The following UNC5C variants were observed in gnomAD, a reference collection of about 807,000 sequenced individuals.
UNC5C encodes unc-5 netrin receptor C, also known as netrin receptor UNC5C.
A neutral mutation model predicts 99.8 loss-of-function variants in UNC5C; 47 were observed. That is an observed-to-expected ratio of 0.47 (90% confidence interval 0.37 to 0.60). The LOEUF (loss-of-function observed/expected upper bound fraction) is 0.60. Among genes scored for constraint, UNC5C ranks in the 20% least tolerant of loss-of-function variants. The pLI is 0.00. For synonymous variants in UNC5C, 487 were observed against 452.2 expected (o/e 1.08, Z -0.98); for missense variants, 1,062 against 1,165.9 (o/e 0.91, Z 1.30).
chr4:95,466,092 G>A (rs1347602751), intron 1 of UNC5C, among the ~76,000 whole-genome samples: 1 of 152,346 alleles, frequency 6.6e-6, no homozygotes, highest in East Asian at 1.9e-4. Context: ...AGAGAAAAAG[G>A]AGAGGGATTT....
intron 1 of UNC5C, among the ~76,000 whole-genome samples, chr4:95,501,873 A>G (rs1048048826): frequency 1.3e-5 from 2 of 152,162 alleles, no homozygotes; most frequent in African/African-American, 4.8e-5. Context: ...AAATATATAC[A>G]TATATTTACC....
In UNC5C at chr4:95,344,551, A is replaced by C. The variant is rs554401619; in HGVS notation, c.125-8920T>G. Among the ~76,000 whole-genome samples the C allele has an allele frequency of 5.3e-5, 8 of 152,244 alleles. No individual in the cohort carries two copies. The East Asian group carries it at 1.5e-3, about 29-fold the overall frequency. On this transcript the variant is annotated intron_variant, in intron 1 of 15. Transcript: ENST00000453304. The stretch of plus-strand genomic sequence containing the variant: ...GTATACGAAAAACACACAATATTAT[A>C]ACGTTATAATTCTGGTATGTAATCT...
rs1248786205 is a variant in UNC5C, at chr4:95,290,637, G to C, written c.490+10969C>G. 4.6e-5 allele frequency among the ~76,000 whole-genome samples: 7 copies of C among 152,274 alleles called. No individual in the cohort carries two copies. The South Asian group carries it at 1.2e-3, about 27-fold the overall frequency. ...TCATAGGATGTCGTATGAAGATTATGATAGTTAACATGAACAAGGGTCTTA... is the reference window on the plus strand; with the variant it reads ...TCATAGGATGTCGTATGAAGATTATCATAGTTAACATGAACAAGGGTCTTA... On this transcript the variant is annotated intron_variant, in intron 3 of 15. Transcript: ENST00000453304.
chr4:95,431,121 A>C (rs1305678117), intron 1 of UNC5C, among the ~76,000 whole-genome samples: 2 of 152,018 alleles, frequency 1.3e-5, no homozygotes, highest in Admixed American at 1.3e-4. Flanking sequence ...ATGCACTTCC[A>C]ACTGCCTTTA....
rs113173767 is a variant in UNC5C at position 95,499,536 on chromosome 4, T to C, written c.124+49198A>G. Among the ~76,000 whole-genome samples the C allele has an allele frequency of 8.0e-3, 1,215 of 152,226 alleles. 9 individuals carry two copies. The highest frequency in any genetic ancestry group is 0.028 in the African/African-American group (1,156 of 41,552). The stretch of plus-strand genomic sequence containing the variant: ...AAATCTCACTCCCATGCACTTTTCA[T>C]GCAATCAATCATGAAGAAAAGGTCA... On this transcript the variant is annotated intron_variant, in intron 1 of 15. Transcript: ENST00000453304.
intron 7 of UNC5C, among the ~76,000 whole-genome samples, chr4:95,228,798 T>G (rs1470677411): frequency 1.3e-5 from 2 of 152,200 alleles, no homozygotes. Context: ...ATTTGAAATA[T>G]TATCATTTAT....
At chr4:95,353,385 A>G (rs1220620575) in intron 1 of UNC5C, among the ~76,000 whole-genome samples, 1 of 152,056 alleles carries the variant, frequency 6.6e-6, no homozygotes, top group East Asian at 1.9e-4. Context: ...TAATCTAACC[A>G]TATCTATCTA....
At chr4:95,208,410 G>A (rs1283213308) in intron 10 of UNC5C, among the ~76,000 whole-genome samples, 3 of 152,162 alleles carry the variant, frequency 2.0e-5, no homozygotes, top group African/African-American at 7.2e-5. Flanking sequence ...TTCCATGATT[G>A]TAATGATGGC....
intron 12 of UNC5C, among the ~76,000 whole-genome samples, chr4:95,198,266 G>T (rs956332347): frequency 5.9e-5 from 9 of 152,144 alleles, no homozygotes; most frequent in Non-Finnish European, 1.3e-4. Flanking sequence ...TGGGATTACA[G>T]GCGTGAGTCA....
intron 1 of UNC5C, among the ~76,000 whole-genome samples, chr4:95,339,123 T>C (rs1456481085): frequency 6.6e-6 from 1 of 152,114 alleles, no homozygotes; most frequent in African/African-American, 2.4e-5. Context: ...CAGCTTCTTG[T>C]GGTAATTAGC....
chr4:95,379,230 A>G (rs1744990185), intron 1 of UNC5C, among the ~76,000 whole-genome samples: 2 of 152,210 alleles, frequency 1.3e-5, no homozygotes, highest in African/African-American at 4.8e-5. Context: ...ATTTCAAATC[A>G]TATCTCACAA....
intron 1 of UNC5C, among the ~76,000 whole-genome samples, chr4:95,351,565 A>T (rs1408391204): frequency 1.3e-5 from 2 of 151,994 alleles, no homozygotes; most frequent in African/African-American, 2.4e-5. Context: ...CATGCCTGTA[A>T]TCCTGGGGCT....
intron 7 of UNC5C, among the ~76,000 whole-genome samples, chr4:95,237,612 A>G (rs1368495853): frequency 1.3e-5 from 2 of 152,206 alleles, no homozygotes; most frequent in African/African-American, 4.8e-5. Flanking sequence ...TAAAAACTAT[A>G]AAGCCCATAA....
At chr4:95,397,471 C>T (rs6827106) in intron 1 of UNC5C, among the ~76,000 whole-genome samples, 8,739 of 152,196 alleles carry the variant, frequency 0.057, 564 homozygotes, top group African/African-American at 0.16. Flanking sequence ...AGTTAATTCT[C>T]CCCTAGACAA....
intron 1 of UNC5C, among the ~76,000 whole-genome samples, chr4:95,486,164 T>C (rs1054829347): frequency 4.6e-5 from 7 of 151,752 alleles, no homozygotes; most frequent in Non-Finnish European, 1.0e-4. Context: ...AAATAAAACA[T>C]ATATTTTTAG....
At chr4:95,419,114 G>A (rs770116576) in intron 1 of UNC5C, among the ~76,000 whole-genome samples, 38 of 152,020 alleles carry the variant, frequency 2.5e-4, no homozygotes, top group Non-Finnish European at 5.1e-4. Flanking sequence ...GTCAGTATTC[G>A]AACAGCTGAA....
chr4:95,255,133 C>T (rs1464516357), intron 4 of UNC5C, among the ~76,000 whole-genome samples: 1 of 152,016 alleles, frequency 6.6e-6, no homozygotes, highest in Non-Finnish European at 1.5e-5. Flanking sequence ...GTGCCCACCA[C>T]CATGCCAGGC....
chr4:95,414,682 C>T (rs1746107461), intron 1 of UNC5C, among the ~76,000 whole-genome samples: 1 of 152,168 alleles, frequency 6.6e-6, no homozygotes, highest in African/African-American at 2.4e-5. Context: ...TATACACGTA[C>T]ATTTAAAGTA....
intron 1 of UNC5C, among the ~76,000 whole-genome samples, chr4:95,430,731 C>A (rs1746613259): frequency 6.6e-6 from 1 of 152,054 alleles, no homozygotes; most frequent in African/African-American, 2.4e-5. Context: ...AGGGTCTCAC[C>A]CTTGGAAGGT....
Sources: allele counts gnomAD v4.1 joint callset (sites outside exome capture counted in the v4.1 genomes callset), GRCh38; gene constraint gnomAD v4.1.1; transcripts MANE v1.5; gene names NCBI Gene and HGNC (gene_info 2026-07-23, HGNC 2026-07-21).